Variants in SLC28A3 observed in about 807,000 individuals in gnomAD.
SLC28A3 encodes concentrative Na(+)-nucleoside cotransporter 3.
Under a neutral mutation model 84.2 loss-of-function variants are expected in SLC28A3, and 68 were observed. That is an observed-to-expected ratio of 0.81 (90% CI 0.66 to 0.99). SLC28A3 has a LOEUF of 0.99. Ranked by LOEUF, SLC28A3 falls within the 50% of genes least tolerant of loss-of-function variation. The probability of loss-of-function intolerance (pLI) is 0.00; values close to 1 mark genes in which losing one functional copy is unlikely to be tolerated. For synonymous variants in SLC28A3, 267 were observed against 303.6 expected (o/e 0.88, Z 1.25); for missense variants, 712 against 841.5 (o/e 0.85, Z 1.90).
rs796626946 is a variant in SLC28A3 at position 84,295,120 on chromosome 9, C to T, written c.862-845G>A. 5.0e-4 allele frequency among the ~76,000 whole-genome samples: 76 copies of T among 152,196 alleles called. 1 individual carries two copies. Among genetic ancestry groups the T allele is most frequent in the African/African-American group, 1.8e-3 (74 of 41,504 alleles). The stretch of plus-strand genomic sequence containing the variant: ...GCTGGCTCCAGGTCTTTTCTTTGGC[C>T]GCTCAAACATGGTGCCCCCCCTACT... On this transcript the variant is annotated intron_variant, in intron 8 of 17. Transcript: ENST00000376238.
At chr9:84,346,525 T>C in the SLC28A3 span, among the ~76,000 whole-genome samples, 3 of 152,238 alleles carry the variant, frequency 2.0e-5, no homozygotes, top group Non-Finnish European at 1.5e-5. Flanking sequence ...AACCTTTGTC[T>C]ATACAACTTG....
intron 1 of SLC28A3, among the ~76,000 whole-genome samples, chr9:84,331,692 T>C (rs980292): frequency 0.82 from 124,110 of 152,178 alleles, 50,814 homozygotes; most frequent in African/African-American, 0.89. Context: ...GCAGCTGTGG[T>C]AAGATTGATT....
chr9:84,309,561 G>T, intron 3 of SLC28A3, 68 bp downstream of exon 3: 2 of 980,090 alleles, frequency 2.0e-6, no homozygotes, highest in Non-Finnish European at 3.1e-6. Context: ...AATCAAATGG[G>T]GATAAAACAA....
the SLC28A3 span, among the ~76,000 whole-genome samples, chr9:84,357,901 C>A: frequency 6.6e-6 from 1 of 152,146 alleles, no homozygotes; most frequent in Non-Finnish European, 1.5e-5. Flanking sequence ...AAAGGCAGGT[C>A]TAGATGCAGG....
chr9:84,319,509 T>A (rs920761047), intron 1 of SLC28A3, among the ~76,000 whole-genome samples: 5 of 152,198 alleles, frequency 3.3e-5, no homozygotes, highest in Admixed American at 2.6e-4. Flanking sequence ...TCTATTTTTT[T>A]AAATAAAAAC....
chr9:84,307,702 C>T (rs1269821001), intron 3 of SLC28A3, among the ~76,000 whole-genome samples: 4 of 152,204 alleles, frequency 2.6e-5, no homozygotes, highest in African/African-American at 9.6e-5. Context: ...TAAGAAGCAG[C>T]AGCAGCAGAG....
the SLC28A3 span, among the ~76,000 whole-genome samples, chr9:84,363,437 C>G: frequency 6.6e-6 from 1 of 152,076 alleles, no homozygotes; most frequent in Non-Finnish European, 1.5e-5. Context: ...TGGACTATTC[C>G]CATTGTTCAT....
intron 3 of SLC28A3, 81 bp downstream of exon 3, chr9:84,309,548 A>AAAAAAAAAT: frequency 1.4e-6 from 1 of 726,270 alleles, no homozygotes; most frequent in Non-Finnish European, 2.1e-6. Flanking sequence ...AAAAAAAAAA[A>AAAAAAAAAT]GAAATCAAAT....
the SLC28A3 span, among the ~76,000 whole-genome samples, chr9:84,364,915 C>T: frequency 6.6e-6 from 1 of 152,174 alleles, no homozygotes; most frequent in Non-Finnish European, 1.5e-5. Context: ...TTTATCCATT[C>T]ATCTGTTGAT....
intron 11 of SLC28A3, among the ~76,000 whole-genome samples, chr9:84,289,197 A>G (rs1825115325): frequency 6.6e-6 from 1 of 152,156 alleles, no homozygotes; most frequent in African/African-American, 2.4e-5. Context: ...CATTCCCCAG[A>G]TGATCCACTC....
intron 4 of SLC28A3, among the ~76,000 whole-genome samples, chr9:84,304,238 A>G (rs879491547): frequency 4.6e-5 from 7 of 152,224 alleles, no homozygotes; most frequent in Non-Finnish European, 1.0e-4. Flanking sequence ...TGAAAAGCCT[A>G]AAATACTATC....
intron 1 of SLC28A3, among the ~76,000 whole-genome samples, chr9:84,337,131 T>A (rs1827002902): frequency 6.6e-6 from 1 of 152,094 alleles, no homozygotes; most frequent in African/African-American, 2.4e-5. Flanking sequence ...ATATAAAAAA[T>A]AATAAATATA....
chr9:84,341,896 A>T (rs1296376398), upstream of SLC28A3, among the ~76,000 whole-genome samples: 1 of 152,168 alleles, frequency 6.6e-6, no homozygotes, highest in Non-Finnish European at 1.5e-5. Flanking sequence ...TGGGAGCCCA[A>T]GGCGGGTGGA....
the SLC28A3 span, among the ~76,000 whole-genome samples, chr9:84,366,775 G>A: frequency 6.6e-6 from 1 of 152,210 alleles, no homozygotes; most frequent in Non-Finnish European, 1.5e-5. Context: ...ACCTAAAGCT[G>A]GGGGTGGAGC....
At chr9:84,363,483 G>A in the SLC28A3 span, among the ~76,000 whole-genome samples, 1 of 152,306 alleles carries the variant, frequency 6.6e-6, no homozygotes, top group African/African-American at 2.4e-5. Context: ...GGTACAGCAA[G>A]CAAGGTGCTC....
chr9:84,328,902 T>G (rs1330148709), intron 1 of SLC28A3, among the ~76,000 whole-genome samples: 1 of 152,172 alleles, frequency 6.6e-6, no homozygotes, highest in Non-Finnish European at 1.5e-5. Context: ...CACTCCAGCC[T>G]GGGTGACAGA....
chr9:84,364,734 A>C, the SLC28A3 span, among the ~76,000 whole-genome samples: 1 of 151,828 alleles, frequency 6.6e-6, no homozygotes, highest in Non-Finnish European at 1.5e-5. Context: ...CCATTGTTTC[A>C]ATTTTTAGAT....
At position 84,279,291 on chromosome 9, in the gene SLC28A3, T is replaced by TATCA. The variant is rs777195726; in HGVS notation, c.1919_1922dup (p.Ala642AspfsTer18). ...TGCTCAACAGACTTTGGCAACAAGC[T>TATCA]ATCACCTTGGTTGTGTTTCCAGGGA... is the stretch of plus-strand genomic sequence containing the variant. On this transcript the variant is annotated frameshift_variant, in exon 17 of 18. Transcript: ENST00000376238. LOFTEE classifies it high-confidence loss of function. 6.2e-7 allele frequency: 1 copy of TATCA among 1,611,802 alleles called. No homozygotes were observed.
chr9:84,277,410 G>A lies in SLC28A3; in HGVS notation c.*808C>T, dbSNP rs1229449831. The stretch of plus-strand genomic sequence containing the variant: ...AGGGTATCATTTCCTAGCGGAAGAT[G>A]AAAGAGCCATCATGTGGTTCCCACC... On this transcript the variant is annotated 3_prime_UTR_variant, in exon 18 of 18. Transcript: ENST00000376238. 4.6e-5 allele frequency: 7 copies of A among 152,256 alleles called. No individual in the cohort carries two copies. 9.4% of individuals were successfully genotyped at this position (152,256 alleles called of 1,614,324 possible). A position where few individuals can be genotyped will look rare whatever the true frequency, so the allele number is the denominator to read the frequency against.
Sources: gnomAD v4.1 joint callset for allele counts (sites outside exome capture counted in the v4.1 genomes callset) on GRCh38, gnomAD v4.1.1 for gene constraint, MANE v1.5 for transcripts, NCBI Gene and HGNC (gene_info 2026-07-23, HGNC 2026-07-21) for gene names.